The following ZNF710 variants were observed in gnomAD, a reference collection of about 807,000 sequenced individuals.
ZNF710 encodes the protein zinc finger protein 710.
In ZNF710, 13 loss-of-function variants were observed where a neutral mutation model predicts 50.6. The observed-to-expected ratio is 0.26, with a 90% CI of 0.17 to 0.41. The LOEUF is 0.41. Among genes scored for constraint, ZNF710 ranks in the 10% least tolerant of loss-of-function variants. The pLI, the probability that ZNF710 is intolerant of heterozygous loss-of-function variation, is 1.00. For synonymous variants in ZNF710, 383 were observed against 397.0 expected, an observed-to-expected ratio of 0.96 and a Z score of 0.42; for missense variants, 721 against 936.6, an observed-to-expected ratio of 0.77 and a Z score of 3.01.
rs1234005314 is a variant in ZNF710 at position 90,059,266 on chromosome 15, AG to A, written c.-28-7840del. On this transcript the variant is annotated intron_variant, in intron 1 of 4. Coordinates refer to ENST00000268154, the MANE Select transcript of ZNF710 (RefSeq NM_198526.4). The surrounding 1 kb of genome is among the most constrained non-coding windows in gnomAD (Gnocchi z 4.1). ...GGAAACATCGGTGAGTTGGGGGCAG[AG>A]GGGCAGTGGAGCCTGCCTGGGAGCC... 6.6e-6 allele frequency among the ~76,000 whole-genome samples: 1 copy of A among 152,182 alleles called. No homozygotes were observed. The highest frequency in any genetic ancestry group is 2.4e-5 in the African/African-American group (1 of 41,438).
At chr15:90,020,394 G>T (rs976639240) in intron 1 of ZNF710, among the ~76,000 whole-genome samples, 4 of 152,196 alleles carry the variant, frequency 2.6e-5, no homozygotes, top group Non-Finnish European at 5.9e-5. Flanking sequence ...TCCAGGCAGG[G>T]CTGTCCCAGC....
chr15:90,051,742 C>G (rs1899652708), intron 1 of ZNF710, among the ~76,000 whole-genome samples: 1 of 152,210 alleles, frequency 6.6e-6, no homozygotes, highest in South Asian at 2.1e-4. Context: ...CACTCAACTC[C>G]TGTGCCTTGG....
Position 90,067,450 on chromosome 15 carries a change from T to G in ZNF710, c.313T>G (p.Leu105Val). The G allele has an allele frequency of 6.2e-7, 1 of 1,611,208 alleles. No individual in the cohort carries two copies. The highest frequency in any genetic ancestry group is 1.7e-5 in the Admixed American group (1 of 59,588). Residue 105 changes from leucine (L) to valine (V), a missense_variant, in exon 2 of 5, where the codon TTG becomes GTG. This residue lies in a region of ZNF710 where 326 missense variants were observed against 347.1 expected (regional missense o/e 0.94). Coordinates refer to ENST00000268154, the MANE Select transcript of ZNF710 (RefSeq NM_198526.4). The surrounding 1 kb of genome is among the most constrained non-coding windows in gnomAD (Gnocchi z 8.1). ...GCGGAAGACGCGGCCACCTGTGCGG[T>G]TGGTGCCCAAGGTCAAGTTCGAGAA... Reference protein sequence around the residue: ...TRRKTRPPVRLVPKVKFEKVE... With the variant: ...TRRKTRPPVRVVPKVKFEKVE...
chr15:90,035,685 C>T (rs565541022), intron 1 of ZNF710, among the ~76,000 whole-genome samples: 11 of 152,212 alleles, frequency 7.2e-5, no homozygotes, highest in Non-Finnish European at 1.0e-4. Context: ...AACATGGGGA[C>T]GTGTATTTGG....
intron 1 of ZNF710, among the ~76,000 whole-genome samples, chr15:90,043,375 G>A (rs1020435824): frequency 6.6e-6 from 1 of 152,218 alleles, no homozygotes; most frequent in Non-Finnish European, 1.5e-5. Flanking sequence ...GGCTCACCCA[G>A]GACCCTATGG....
At chr15:90,016,657 G>T (rs913540259) in intron 1 of ZNF710, among the ~76,000 whole-genome samples, 1 of 152,106 alleles carries the variant, frequency 6.6e-6, no homozygotes, top group South Asian at 2.1e-4. Context: ...TCAAGCTAAC[G>T]GCCTCAGTGA....
At chr15:90,042,496 A>G (rs955966251) in intron 1 of ZNF710, among the ~76,000 whole-genome samples, 5 of 151,750 alleles carry the variant, frequency 3.3e-5, no homozygotes, top group East Asian at 3.9e-4. Context: ...GACTCGCTCA[A>G]TCAATCAATC....
At chr15:90,007,754 C>G (rs1171622784) in intron 1 of ZNF710, among the ~76,000 whole-genome samples, 1 of 151,438 alleles carries the variant, frequency 6.6e-6, no homozygotes, top group Non-Finnish European at 1.5e-5. Context: ...AGTAACAGGG[C>G]AAGCAGGACT....
At chr15:89,999,972 C>T (rs538188865), upstream of ZNF710, among the ~76,000 whole-genome samples, 9 of 152,048 alleles carry the variant, frequency 5.9e-5, no homozygotes, top group South Asian at 1.9e-3. Flanking sequence ...TTCCTTCCTC[C>T]CGGTGACCTG....
chr15:90,017,349 T>C (rs1294353453), intron 1 of ZNF710, among the ~76,000 whole-genome samples: 1 of 152,282 alleles, frequency 6.6e-6, no homozygotes, highest in African/African-American at 2.4e-5. Flanking sequence ...AGAACAAAGC[T>C]GAAAGTGTTG....
rs375115133 is a variant in ZNF710 at position 90,067,359 on chromosome 15, G to A, written c.222G>A (p.Arg74=). 4 of 1,598,888 alleles carry A rather than the reference G, an allele frequency of 2.5e-6. No homozygotes were observed. In the South Asian group the frequency reaches 3.4e-5, roughly 13 times the overall value. ...TCTACCAGCTGGCCTGCAACGGGAG[G>A]GCCTTGGAGGAGCCGGCGGAGGAGG... ...PDVYQLACNG[R]ALEEPAEEEV... is the part of the protein sequence containing the mutation. The change falls in exon 2 of 5, where the codon AGG becomes AGA. Residue 74 remains arginine (R), a synonymous_variant. Coordinates refer to ENST00000268154, the MANE Select transcript of ZNF710 (RefSeq NM_198526.4). This position sits in a 1 kb window ranked among gnomAD's most constrained non-coding sequence, Gnocchi z 8.1.
intron 2 of ZNF710, among the ~76,000 whole-genome samples, chr15:90,071,020 T>C (rs921500665): frequency 6.6e-6 from 1 of 152,132 alleles, no homozygotes; most frequent in Non-Finnish European, 1.5e-5. Flanking sequence ...CCCAGCACTT[T>C]AGGAGGCCGA....
intron 1 of ZNF710, among the ~76,000 whole-genome samples, chr15:90,036,424 G>A (rs1899128564): frequency 6.6e-6 from 1 of 152,016 alleles, no homozygotes; most frequent in South Asian, 2.1e-4. Flanking sequence ...GAAGTGGCTG[G>A]AGCCAGCGTC....
At chr15:90,078,764 C>T in intron 4 of ZNF710, among the ~76,000 whole-genome samples, 1 of 152,142 alleles carries the variant, frequency 6.6e-6, no homozygotes, top group East Asian at 1.9e-4. Flanking sequence ...AGAAAGTCTG[C>T]CTTAGACCTG....
chr15:90,032,012 T>G (rs1898962842), intron 1 of ZNF710, among the ~76,000 whole-genome samples: 1 of 152,256 alleles, frequency 6.6e-6, no homozygotes, highest in African/African-American at 2.4e-5. Context: ...AATTTCTGTT[T>G]TTTTGAGACG....
At chr15:90,055,921 C>T (rs1329573251) in intron 1 of ZNF710, among the ~76,000 whole-genome samples, 3 of 151,870 alleles carry the variant, frequency 2.0e-5, no homozygotes, top group Admixed American at 1.3e-4. Context: ...TCAAGACCAG[C>T]CTGGGAAACA....
chr15:90,056,340 GA>G lies in ZNF710; in HGVS notation c.-28-10768del, dbSNP rs577908890. ...GAGGCAGGAGAATCAATTGAATCCA[GA>G]AGGCGGAGGTTGCGGTGAGCCGAGA... On this transcript the variant is annotated intron_variant, in intron 1 of 4. Coordinates refer to ENST00000268154, the MANE Select transcript of ZNF710 (RefSeq NM_198526.4). Among the ~76,000 whole-genome samples the G allele has an allele frequency of 1.1e-4, 17 of 152,284 alleles. No individual in the cohort carries two copies. The East Asian group carries it at 3.3e-3, about 29-fold the overall frequency.
In ZNF710 at chr15:90,034,345, C is replaced by G. The variant is rs8035673; in HGVS notation, c.-29+32731C>G. On this transcript the variant is annotated intron_variant, in intron 1 of 4. Transcript: ENST00000268154. The surrounding 1 kb of genome is among the most constrained non-coding windows in gnomAD (Gnocchi z 4.0). ...TCAGGAAAGGGAGGAATTCTTTGTG[C>G]TGTTTTGTCTATGTTATTTGAAAAA... 6.6e-6 allele frequency among the ~76,000 whole-genome samples: 1 copy of G among 151,770 alleles called. No individual in the cohort carries two copies. The highest frequency in any genetic ancestry group is 2.4e-5 in the African/African-American group (1 of 41,302).
intron 1 of ZNF710, among the ~76,000 whole-genome samples, chr15:90,044,263 G>A (rs1899390030): frequency 6.6e-6 from 1 of 152,206 alleles, no homozygotes. Flanking sequence ...ACATGGCCTT[G>A]GCATCCTTCC....
Sources: gnomAD v4.1 joint callset for allele counts (sites outside exome capture counted in the v4.1 genomes callset) on GRCh38, gnomAD v4.1.1 for gene constraint, gnomAD v4.1.1 regional missense constraint, Gnocchi (gnomAD v3.1) non-coding constraint, MANE v1.5 for transcripts, NCBI Gene and HGNC (gene_info 2026-07-23, HGNC 2026-07-21) for gene names.